PLXNA4: variants seen among roughly 807,000 people sequenced by gnomAD.
PLXNA4 encodes plexin A4, also known as plexin-A4.
A neutral mutation model predicts 191.8 loss-of-function variants in PLXNA4; 44 were observed. The ratio of observed to expected loss-of-function variants is 0.23; its 90% CI spans 0.18 to 0.29. The LOEUF is 0.29. PLXNA4 is among the 10% of genes least tolerant of loss of function. PLXNA4 has a pLI of 1.00. For missense variants in PLXNA4, 1,800 were observed against 2,488.8 expected, an observed-to-expected ratio of 0.72 and a Z score of 5.89; for synonymous variants, 1,082 against 1,009.5, an observed-to-expected ratio of 1.07 and a Z score of -1.36.
At chr7:132,211,229 G>T in intron 9 of PLXNA4, 86 bp from the exon 10 acceptor site, 2 of 1,398,476 alleles carry the variant, frequency 1.4e-6, no homozygotes, top group Non-Finnish European at 1.9e-6. Context: ...GATGTTCCCT[G>T]TCTCCACCCT....
chr7:132,617,068 A>C (rs1803169732), intron 2 of PLXNA4, among the ~76,000 whole-genome samples: 1 of 152,198 alleles, frequency 6.6e-6, no homozygotes, highest in Non-Finnish European at 1.5e-5. Context: ...TGAGTGGCTA[A>C]AGTGAGCAGC....
chr7:132,387,680 C>A (rs1363497615), intron 3 of PLXNA4, among the ~76,000 whole-genome samples: 3 of 152,168 alleles, frequency 2.0e-5, no homozygotes, highest in Non-Finnish European at 2.9e-5. Flanking sequence ...ATGGGCATTG[C>A]ACCAGGATGA....
chr7:132,253,841 G>A (rs542337842), intron 4 of PLXNA4, among the ~76,000 whole-genome samples: 1 of 152,280 alleles, frequency 6.6e-6, no homozygotes, highest in East Asian at 1.9e-4. Flanking sequence ...AGAAATTACT[G>A]GGCAAGGACC....
chr7:132,565,688 C>T (rs1801690643), intron 1 of PLXNA4, among the ~76,000 whole-genome samples: 1 of 152,184 alleles, frequency 6.6e-6, no homozygotes, highest in Non-Finnish European at 1.5e-5. Flanking sequence ...CCCCCGTGGG[C>T]CTGAGCCCTC....
At chr7:132,135,737 G>A (rs1795092958) in intron 30 of PLXNA4, among the ~76,000 whole-genome samples, 1 of 152,210 alleles carries the variant, frequency 6.6e-6, no homozygotes, top group African/African-American at 2.4e-5. Flanking sequence ...GTAGGACAGG[G>A]CTGGGGCCCT....
intron 2 of PLXNA4, among the ~76,000 whole-genome samples, chr7:132,583,168 C>T (rs1802438738): frequency 6.6e-6 from 1 of 152,188 alleles, no homozygotes; most frequent in South Asian, 2.1e-4. Context: ...CTTTCACGAG[C>T]TGTCTGGCAC....
chr7:132,218,936 T>C (rs144643230), intron 9 of PLXNA4, among the ~76,000 whole-genome samples: 3 of 152,086 alleles, frequency 2.0e-5, no homozygotes, highest in East Asian at 3.9e-4. Context: ...TCTGTTCCAG[T>C]CCAATAACTT....
chr7:132,322,472 C>T (rs771295501), intron 3 of PLXNA4, among the ~76,000 whole-genome samples: 18 of 152,186 alleles, frequency 1.2e-4, no homozygotes, highest in Admixed American at 3.3e-4. Flanking sequence ...CGTGAGCCAC[C>T]GTGCCTGGCC....
chr7:132,143,658 C>T (rs1795334568), intron 29 of PLXNA4, among the ~76,000 whole-genome samples: 1 of 152,108 alleles, frequency 6.6e-6, no homozygotes, highest in African/African-American at 2.4e-5. Flanking sequence ...TGAACAGCTC[C>T]CAGTAGTCAC....
intron 25 of PLXNA4, among the ~76,000 whole-genome samples, chr7:132,158,819 T>A (rs527381291): frequency 6.6e-6 from 1 of 152,204 alleles, no homozygotes; most frequent in African/African-American, 2.4e-5. Context: ...CAGGATGGCA[T>A]CCTATGAAAT....
intron 5 of PLXNA4, among the ~76,000 whole-genome samples, chr7:132,235,270 G>A (rs1030431297): frequency 3.9e-5 from 6 of 152,222 alleles, no homozygotes; most frequent in Non-Finnish European, 7.3e-5. Context: ...CCAGCGAGGG[G>A]CTTCATGCAG....
intron 3 of PLXNA4, among the ~76,000 whole-genome samples, chr7:132,486,529 T>C (rs1287663273): frequency 6.6e-6 from 1 of 152,226 alleles, no homozygotes; most frequent in African/African-American, 2.4e-5. Context: ...GCAAAACCAT[T>C]AAAAGGCTGC....
At chr7:132,212,945 T>C (rs1797850134) in intron 9 of PLXNA4, among the ~76,000 whole-genome samples, 1 of 152,126 alleles carries the variant, frequency 6.6e-6, no homozygotes, top group Admixed American at 6.6e-5. Flanking sequence ...GACTCAGAAA[T>C]CTGCACACCC....
At chr7:132,388,726 G>A (rs1805267353) in intron 3 of PLXNA4, among the ~76,000 whole-genome samples, 1 of 152,170 alleles carries the variant, frequency 6.6e-6, no homozygotes, top group African/African-American at 2.4e-5. Flanking sequence ...TGGCTTCAAG[G>A]GTGGATAAGA....
chr7:132,576,870 C>T (rs1263630423), upstream of PLXNA4: 1 of 151,548 alleles, frequency 6.6e-6, no homozygotes, highest in Non-Finnish European at 1.5e-5. The surrounding 1 kb of genome is among the most constrained non-coding windows in gnomAD (Gnocchi z 5.8). Context: ...TCCGCGCCGC[C>T]CATGCTCGCC....
intron 16 of PLXNA4, among the ~76,000 whole-genome samples, chr7:132,184,297 A>G (rs1796806238): frequency 6.6e-6 from 1 of 152,220 alleles, no homozygotes; most frequent in Admixed American, 6.5e-5. Flanking sequence ...ATGAGAGTGG[A>G]CAAATGAGGG....
rs749947062 is a variant in PLXNA4 at position 132,311,156 on chromosome 7, TTGTGTG to T, written c.1372-12940_1372-12935del. Among the ~76,000 whole-genome samples the T allele has an allele frequency of 4.4e-3, 586 of 132,114 alleles. 2 individuals carry two copies. Among genetic ancestry groups the T allele is most frequent in the Middle Eastern group, 0.011 (3 of 266 alleles). 86.7% of individuals were successfully genotyped at this position (132,114 alleles called of 152,430 possible). A position where few individuals can be genotyped will look rare whatever the true frequency, so the allele number is the denominator to read the frequency against. On this transcript the variant is annotated intron_variant, in intron 3 of 31. Coordinates refer to ENST00000321063, the MANE Select transcript of PLXNA4 (RefSeq NM_020911.2). ...CCAGTTCCTGGGCTATCTAGGATAA[TTGTGTG>T]TGTGTGTGTGTGTGTGTGTGTGTGT...
At chr7:132,295,550 G>A (rs967592435) in intron 4 of PLXNA4, among the ~76,000 whole-genome samples, 6 of 152,126 alleles carry the variant, frequency 3.9e-5, no homozygotes, top group Non-Finnish European at 8.8e-5. Flanking sequence ...GATACCCTGG[G>A]TCTGGAAAAT....
intron 9 of PLXNA4, among the ~76,000 whole-genome samples, chr7:132,217,897 CTTTTTTTTTTT>C (rs138576612): frequency 0.083 from 3,593 of 43,448 alleles, 95 homozygotes; most frequent in Non-Finnish European, 0.1. Context: ...GCTGGATTTG[CTTTTTTTTTTT>C]TTTTTTTTTT....
Sources: allele counts gnomAD v4.1 joint callset (sites outside exome capture counted in the v4.1 genomes callset), GRCh38; gene constraint gnomAD v4.1.1; non-coding constraint Gnocchi (gnomAD v3.1); transcripts MANE v1.5; gene names NCBI Gene and HGNC (gene_info 2026-07-23, HGNC 2026-07-21).